NLRP8: variants seen among roughly 807,000 people sequenced by gnomAD.
NLRP8 encodes NACHT, LRR and PYD domains-containing protein 8.
In NLRP8, 86 loss-of-function variants were observed where a neutral mutation model predicts 88.7. The observed-to-expected ratio is 0.97, with a 90% CI of 0.81 to 1.16. The LOEUF (loss-of-function observed/expected upper bound fraction) is 1.16, where lower values mean the gene tolerates loss of function less well. Among genes scored for constraint, NLRP8 ranks in the 50% most tolerant of loss-of-function variants. The probability of loss-of-function intolerance (pLI) is 0.00; values close to 1 mark genes in which losing one functional copy is unlikely to be tolerated. For missense variants in NLRP8, 1,342 were observed against 1,286.5 expected (o/e 1.04, Z -0.66); for synonymous variants, 504 against 494.6 (o/e 1.02, Z -0.25).
chr19:55,955,931 G>A lies in NLRP8; in HGVS notation c.1873G>A (p.Ala625Thr), dbSNP rs745326825. 8 of 1,614,160 alleles carry A rather than the reference G, an allele frequency of 5.0e-6. No individual in the cohort carries two copies. The highest frequency in any genetic ancestry group is 4.4e-5 in the South Asian group (4 of 91,084). The stretch of plus-strand genomic sequence containing the variant: ...CCGGGAGGAAGCCTTTGTAAGCCAA[G>A]CCCTAAATGATTATCATAAAGTTGT... The change falls in exon 3 of 10, where the codon GCC (alanine) becomes ACC (threonine). Residue 625 changes from alanine to threonine, a missense_variant. By Grantham distance (58) the Ala-to-Thr change is moderately conservative (BLOSUM62 0). Transcript: ENST00000291971.
chr19:55,968,456 A>G (rs1159476049), intron 5 of NLRP8, among the ~76,000 whole-genome samples: 2 of 142,880 alleles, frequency 1.4e-5, no homozygotes, highest in African/African-American at 2.6e-5. Flanking sequence ...TAAAAATAAA[A>G]TAGGCCAGGC....
chr19:55,987,906 A>G lies in NLRP8; in HGVS notation c.3140A>G (p.Asn1047Ser), dbSNP rs1180473724. The G allele has an allele frequency of 6.2e-7, 1 of 1,611,880 alleles. No homozygotes were observed. Among genetic ancestry groups the G allele is most frequent in the Non-Finnish European group, 8.5e-7 (1 of 1,178,204 alleles). Residue 1047 changes from asparagine to serine, a missense_variant, in exon 10 of 10, where the codon AAT (asparagine) becomes AGT (serine). Transcript: ENST00000291971. ...AAAAGTGACTGCCTATCCCAGATTA[A>G]TCCTTAGGCCGTCCAGTCATCTTTC...
chr19:55,981,635 GA>G (rs1206577156), intron 9 of NLRP8, among the ~76,000 whole-genome samples: 1 of 152,212 alleles, frequency 6.6e-6, no homozygotes, highest in East Asian at 1.9e-4. Flanking sequence ...CGTGTCTGGG[GA>G]AAGTGTGCAC....
intron 7 of NLRP8, among the ~76,000 whole-genome samples, chr19:55,974,112 C>T (rs1439041113): frequency 1.3e-5 from 2 of 148,894 alleles, no homozygotes; most frequent in Non-Finnish European, 3.0e-5. Context: ...TCTATCTGTT[C>T]ATCACTGTAA....
Position 55,966,209 on chromosome 19 carries a change from C to T in NLRP8, c.2214-4C>T. 1.9e-6 allele frequency: 3 copies of T among 1,613,676 alleles called. No homozygotes were observed. Among genetic ancestry groups the T allele is most frequent in the Middle Eastern group, 1.7e-4 (1 of 6,060 alleles). On this transcript the variant is annotated splice_polypyrimidine_tract_variant and splice_region_variant and intron_variant, in intron 4 of 9. Transcript: ENST00000291971. ...ATTCCAAGGAGACGCTCTTCCCTCT[C>T]CAGCCTAAGGCGTGTGAATAGCACC...
At chr19:55,964,124 G>A (rs1979733769) in intron 4 of NLRP8, among the ~76,000 whole-genome samples, 1 of 152,116 alleles carries the variant, frequency 6.6e-6, no homozygotes, top group African/African-American at 2.4e-5. Context: ...TGAACCACTG[G>A]CCCCTTCCTT....
intron 4 of NLRP8, among the ~76,000 whole-genome samples, chr19:55,963,609 G>A (rs563486289): frequency 6.7e-4 from 102 of 152,226 alleles, no homozygotes; most frequent in Middle Eastern, 3.4e-3. Context: ...GAGTACAGTG[G>A]CATGATCATG....
chr19:55,983,997 C>A (rs1183253848), intron 9 of NLRP8, among the ~76,000 whole-genome samples: 5 of 152,050 alleles, frequency 3.3e-5, no homozygotes, highest in Non-Finnish European at 7.4e-5. Flanking sequence ...TGTGAAAATT[C>A]TTTCCCTAAG....
chr19:55,970,083 T>C (rs1441200393), intron 5 of NLRP8, among the ~76,000 whole-genome samples: 3 of 152,158 alleles, frequency 2.0e-5, no homozygotes, highest in Non-Finnish European at 2.9e-5. Context: ...TAACTAATAA[T>C]AACCTATTAT....
intron 9 of NLRP8, among the ~76,000 whole-genome samples, chr19:55,985,225 C>A (rs1980754771): frequency 6.6e-6 from 1 of 152,096 alleles, no homozygotes; most frequent in Admixed American, 6.6e-5. Flanking sequence ...ATCGCTTGAA[C>A]TGGGGAGGCG....
chr19:55,955,208 A>T lies in NLRP8; in HGVS notation c.1150A>T (p.Met384Leu). The T allele has an allele frequency of 4.3e-6, 7 of 1,614,140 alleles. No homozygotes were observed. The highest frequency in any genetic ancestry group is 5.9e-6 in the Non-Finnish European group (7 of 1,180,022). Residue 384 changes from methionine to leucine, a missense_variant, in exon 3 of 10, where the codon ATG (methionine) becomes TTG (leucine). Met to Leu is a conservative substitution (Grantham distance 15). Coordinates refer to ENST00000291971, the MANE Select transcript of NLRP8 (RefSeq NM_176811.2). ...GGGAGACCAAGTCTTGAGTTTCGCCATGGAAAACACCATTCTCTTCTCCAT... is the reference window on the plus strand; with the variant it reads ...GGGAGACCAAGTCTTGAGTTTCGCCTTGGAAAACACCATTCTCTTCTCCAT...
Position 55,954,818 on chromosome 19 carries a change from C to T in NLRP8, c.760C>T (p.Gln254Ter), listed in dbSNP as rs780259780. 5 of 1,614,186 alleles carry T rather than the reference C, an allele frequency of 3.1e-6. No homozygotes were observed. The Admixed American group carries it at 8.3e-5, about 27-fold the overall frequency. Reference sequence around the variant, plus strand: ...CCAAGAGGTGAACCAGACGACAGACCAGAGCTTCTCCGAGCTGATTGAGCA... The same window carrying T: ...CCAAGAGGTGAACCAGACGACAGACTAGAGCTTCTCCGAGCTGATTGAGCA... Residue 254 changes from glutamine to a stop codon, truncating the protein, a stop_gained, in exon 3 of 10, where the codon CAG becomes TAG. Transcript: ENST00000291971. LOFTEE classifies it high-confidence loss of function.
chr19:55,971,161 C>T (rs1214454003), intron 6 of NLRP8, among the ~76,000 whole-genome samples: 2 of 152,082 alleles, frequency 1.3e-5, no homozygotes, highest in African/African-American at 2.4e-5. Flanking sequence ...ATAAAAGGGC[C>T]GGGCACGGTG....
At chr19:55,979,600 C>A (rs367723476) in intron 9 of NLRP8, 36 bp downstream of exon 9, 210 of 1,610,204 alleles carry the variant, frequency 1.3e-4, no homozygotes, top group Non-Finnish European at 1.7e-4. Flanking sequence ...CAAAACCTAC[C>A]ACACAAGAGA....
chr19:55,965,829 C>G (rs1028937044), intron 4 of NLRP8, among the ~76,000 whole-genome samples: 1 of 147,942 alleles, frequency 6.8e-6, no homozygotes, highest in Non-Finnish European at 1.5e-5. Context: ...CCAGAGGCCC[C>G]GGTATGTGAT....
Position 55,947,983 on chromosome 19 carries a change from G to A in NLRP8, c.81G>A (p.Trp27Ter). 6.2e-7 allele frequency: 1 copy of A among 1,613,956 alleles called. No individual in the cohort carries two copies. The highest frequency in any genetic ancestry group is 8.5e-7 in the Non-Finnish European group (1 of 1,180,020). ...CTCACAGTTCTCATATTCCGCCCTG[G>A]ACATTCTCTTGCTACCCCGGCTCCC... Residue 27 changes from tryptophan (W) to a stop codon, truncating the protein, a stop_gained, in exon 1 of 10, where the codon TGG becomes TGA. Transcript: ENST00000291971. LOFTEE classifies it high-confidence loss of function.
rs1426228353 is a variant in NLRP8, at chr19:55,955,681, G to C, written c.1623G>C (p.Leu541=). 2.5e-5 allele frequency: 40 copies of C among 1,614,058 alleles called. No individual in the cohort carries two copies. Among genetic ancestry groups the C allele is most frequent in the Non-Finnish European group, 3.3e-5 (39 of 1,180,018 alleles). The change falls in exon 3 of 10, where the codon CTG becomes CTC. Residue 541 remains leucine (L), a synonymous_variant. Coordinates refer to ENST00000291971, the MANE Select transcript of NLRP8 (RefSeq NM_176811.2). The stretch of plus-strand genomic sequence containing the variant: ...TGAGCCACGTGAATATCCAGCGCCT[G>C]ATAGCGAGTCCCAGAGGAAGCAAAA...
chr19:55,959,457 C>G (rs55767504), intron 3 of NLRP8, among the ~76,000 whole-genome samples: 6,591 of 151,898 alleles, frequency 0.043, 180 homozygotes, highest in Middle Eastern at 0.055. Context: ...CATGATCCAC[C>G]CGCCTCGGCC....
intron 9 of NLRP8, among the ~76,000 whole-genome samples, chr19:55,986,808 G>C (rs918348631): frequency 6.6e-6 from 1 of 152,098 alleles, no homozygotes; most frequent in African/African-American, 2.4e-5. Context: ...TCTTGGTGGT[G>C]AGGTGTGAAG....
Sources: allele counts gnomAD v4.1 joint callset (sites outside exome capture counted in the v4.1 genomes callset), GRCh38; gene constraint gnomAD v4.1.1; transcripts MANE v1.5; gene names NCBI Gene and HGNC (gene_info 2026-07-23, HGNC 2026-07-21).